Variants in TLE1 observed in about 807,000 individuals in gnomAD.
TLE1 encodes TLE family member 1, transcriptional corepressor.
Under a neutral mutation model 89.8 loss-of-function variants are expected in TLE1, and 21 were observed. The observed-to-expected ratio is 0.23, with a 90% CI of 0.17 to 0.34. The LOEUF (loss-of-function observed/expected upper bound fraction) is 0.34, where lower values mean the gene tolerates loss of function less well. Ranked by LOEUF, TLE1 falls within the 10% of genes least tolerant of loss-of-function variation. TLE1 has a pLI of 1.00. For missense variants in TLE1, 795 were observed against 1,031.2 expected, an observed-to-expected ratio of 0.77 and a Z score of 3.14; for synonymous variants, 447 against 407.6, an observed-to-expected ratio of 1.10 and a Z score of -1.16.
chr9:81,590,288 C>T (rs1302094229), intron 16 of TLE1, among the ~76,000 whole-genome samples: 2 of 152,192 alleles, frequency 1.3e-5, no homozygotes, highest in Admixed American at 6.5e-5. Flanking sequence ...CAGAGCCCTG[C>T]GGGCTCCTGG....
At position 81,652,307 on chromosome 9, in the gene TLE1, G is replaced by C; in HGVS notation, c.298-19C>G. 6.2e-7 allele frequency: 1 copy of C among 1,611,262 alleles called. No homozygotes were observed. Among genetic ancestry groups the C allele is most frequent in the Non-Finnish European group, 8.5e-7 (1 of 1,177,922 alleles). On this transcript the variant is annotated intron_variant, in intron 5 of 19. Transcript: ENST00000376499. ...GTTGATGCTTTGAAAACAAGGAGAA[G>C]AAAGGGCATTAGCAACAGCCAAAAA...
At chr9:81,641,835 C>G (rs1190391034) in intron 6 of TLE1, among the ~76,000 whole-genome samples, 3 of 152,158 alleles carry the variant, frequency 2.0e-5, no homozygotes, top group Admixed American at 2.0e-4. Context: ...CCAGCCCAAC[C>G]AACATGGAGA....
chr9:81,611,724 T>C (rs1417302194), intron 13 of TLE1, 45 bp downstream of exon 13: 3 of 1,432,012 alleles, frequency 2.1e-6, no homozygotes, highest in Non-Finnish European at 2.7e-6. Context: ...CAATGGAGCA[T>C]GCAGCGTTCC....
chr9:81,656,561 T>C (rs1040334059), intron 4 of TLE1, among the ~76,000 whole-genome samples: 1 of 152,204 alleles, frequency 6.6e-6, no homozygotes, highest in Non-Finnish European at 1.5e-5. Flanking sequence ...GGGTAACATA[T>C]TGGTGATTTT....
rs183143536 is a variant in TLE1 at position 81,670,935 on chromosome 9, G to A, written c.234+14741C>T. On this transcript the variant is annotated intron_variant, in intron 4 of 19. Coordinates refer to ENST00000376499, the MANE Select transcript of TLE1 (RefSeq NM_005077.5). ...GTTAATCCCAGCACTTTGGGAGGCCGAGGCAGATGGATCACCTGAGGTCAG... is the reference window on the plus strand; with the variant it reads ...GTTAATCCCAGCACTTTGGGAGGCCAAGGCAGATGGATCACCTGAGGTCAG... Among the ~76,000 whole-genome samples the A allele has an allele frequency of 9.9e-5, 15 of 151,976 alleles. No homozygotes were observed. The South Asian group carries it at 1.9e-3, about 19-fold the overall frequency.
chr9:81,608,527 C>G (rs1274119118), intron 14 of TLE1, among the ~76,000 whole-genome samples: 1 of 152,092 alleles, frequency 6.6e-6, no homozygotes, highest in Admixed American at 6.5e-5. Flanking sequence ...AAATAAAAAA[C>G]TCACTAATGT....
chr9:81,584,183 A>C lies in TLE1; in HGVS notation c.*15T>G. 1.2e-6 allele frequency: 2 copies of C among 1,604,446 alleles called. No individual in the cohort carries two copies. The highest frequency in any genetic ancestry group is 1.7e-6 in the Non-Finnish European group (2 of 1,171,164). ...TGGCCCAATTCAACTATAAACGTTA[A>C]ACCACATAATGTTTTCAGTAGATGA... On this transcript the variant is annotated 3_prime_UTR_variant, in exon 20 of 20. Coordinates refer to ENST00000376499, the MANE Select transcript of TLE1 (RefSeq NM_005077.5).
At chr9:81,627,318 CTTTTT>C (rs56255759) in intron 8 of TLE1, among the ~76,000 whole-genome samples, 9 of 147,722 alleles carry the variant, frequency 6.1e-5, no homozygotes, top group Admixed American at 4.1e-4. Context: ...TGTTCTCTCA[CTTTTT>C]TTTTTTTAAG....
At position 81,678,013 on chromosome 9, in the gene TLE1, C is replaced by T. The variant is rs565548979; in HGVS notation, c.234+7663G>A. Among the ~76,000 whole-genome samples, 340 of 152,254 alleles carry T rather than the reference C, an allele frequency of 2.2e-3. 1 individual carries two copies. The highest frequency in any genetic ancestry group is 7.6e-3 in the African/African-American group (316 of 41,542). ...AGCTTTTTCCTTCTACCCAAAGTGACTTGTATCCTACTCTTTTTCTGCTAA... is the reference window on the plus strand; with the variant it reads ...AGCTTTTTCCTTCTACCCAAAGTGATTTGTATCCTACTCTTTTTCTGCTAA... On this transcript the variant is annotated intron_variant, in intron 4 of 19. Transcript: ENST00000376499.
At chr9:81,602,484 T>C (rs997867545) in intron 14 of TLE1, among the ~76,000 whole-genome samples, 6 of 152,170 alleles carry the variant, frequency 3.9e-5, no homozygotes, top group African/African-American at 1.4e-4. Flanking sequence ...GCACTTAGCC[T>C]GAAGGTGATT....
At position 81,585,669 on chromosome 9, in the gene TLE1, G is replaced by C. The variant is rs763182346; in HGVS notation, c.1978-14C>G. 2.5e-6 allele frequency: 4 copies of C among 1,613,248 alleles called. No homozygotes were observed. The Admixed American group carries it at 6.7e-5, about 27-fold the overall frequency. On this transcript the variant is annotated splice_polypyrimidine_tract_variant and intron_variant, in intron 17 of 19. Coordinates refer to ENST00000376499, the MANE Select transcript of TLE1 (RefSeq NM_005077.5). Reference sequence around the variant, plus strand: ...CAGGGAGAAGATCTACAAGGAGCAAGACAGGCTCACTCATTATTCCGCCTG... The same window carrying C: ...CAGGGAGAAGATCTACAAGGAGCAACACAGGCTCACTCATTATTCCGCCTG...
At chr9:81,631,655 G>A (rs1222031370) in intron 8 of TLE1, among the ~76,000 whole-genome samples, 1 of 152,202 alleles carries the variant, frequency 6.6e-6, no homozygotes, top group Non-Finnish European at 1.5e-5. Context: ...GAGTACTGAA[G>A]AAAACATGTT....
rs1829427804 is a variant in TLE1, at chr9:81,591,122, C to T, written c.1582-70G>A. ...ATCATAGCACCATGTTCTCTAATGGCTGTCTTGGTTTTTTGAGTTAAGAGT... is the reference window on the plus strand; with the variant it reads ...ATCATAGCACCATGTTCTCTAATGGTTGTCTTGGTTTTTTGAGTTAAGAGT... On this transcript the variant is annotated intron_variant, in intron 15 of 19. Transcript: ENST00000376499. 2.1e-5 allele frequency: 33 copies of T among 1,557,308 alleles called. 1 individual carries two copies. In the South Asian group the frequency reaches 3.7e-4, roughly 17 times the overall value.
intron 15 of TLE1, among the ~76,000 whole-genome samples, chr9:81,591,615 T>TG (rs1829506554): frequency 6.6e-6 from 1 of 152,052 alleles, no homozygotes; most frequent in African/African-American, 2.4e-5. Context: ...GGGCTGTGGG[T>TG]GGGGGGCCCT....
At chr9:81,629,838 T>C (rs148361137) in intron 8 of TLE1, among the ~76,000 whole-genome samples, 15 of 152,326 alleles carry the variant, frequency 9.8e-5, no homozygotes, top group African/African-American at 2.6e-4. Context: ...GGGACCACCA[T>C]CATATATGCA....
intron 16 of TLE1, among the ~76,000 whole-genome samples, chr9:81,589,882 C>T (rs1306298407): frequency 3.3e-5 from 5 of 152,096 alleles, no homozygotes; most frequent in African/African-American, 7.2e-5. Flanking sequence ...AAGTAACTGC[C>T]GCACTGTCAC....
chr9:81,584,221 T>C lies in TLE1; in HGVS notation c.2290A>G (p.Thr764Ala), dbSNP rs750691074. 1 of 1,614,140 alleles carries C rather than the reference T, an allele frequency of 6.2e-7. No individual in the cohort carries two copies. The highest frequency in any genetic ancestry group is 1.1e-5 in the South Asian group (1 of 91,084). The change falls in exon 20 of 20, where the codon ACA becomes GCA. Residue 764 changes from threonine (T) to alanine (A), a missense_variant. Around this residue, in one of 4 missense-constraint regions of TLE1, gnomAD observed 214 missense variants for 354.9 expected, o/e 0.60. Transcript: ENST00000376499. ...TTTCAGTAGATGACTTCATAGACTG[T>C]AGCCTTCTTGTCCCCCGAGCCAGTG... Reference protein sequence around the residue: ...IVTGSGDKKATVYEVIY With the variant: ...IVTGSGDKKAAVYEVIY
chr9:81,595,200 T>C (rs1042517782), intron 14 of TLE1, among the ~76,000 whole-genome samples: 1 of 152,220 alleles, frequency 6.6e-6, no homozygotes, highest in African/African-American at 2.4e-5. Context: ...ACAGGATTAT[T>C]TGGTGTCCTT....
chr9:81,602,991 C>T (rs1318163232), intron 14 of TLE1, among the ~76,000 whole-genome samples: 3 of 152,046 alleles, frequency 2.0e-5, no homozygotes, highest in Non-Finnish European at 2.9e-5. Context: ...GGTTGGGAAA[C>T]CCATCTTGTC....
Sources: allele counts gnomAD v4.1 joint callset (sites outside exome capture counted in the v4.1 genomes callset), GRCh38; gene constraint gnomAD v4.1.1; regional missense constraint gnomAD v4.1.1; transcripts MANE v1.5; gene names NCBI Gene and HGNC (gene_info 2026-07-23, HGNC 2026-07-21).